Variants in CALN1 observed in about 807,000 individuals in gnomAD.
CALN1 encodes the protein calcium-binding protein 8.
Under a neutral mutation model 30.6 loss-of-function variants are expected in CALN1, and 17 were observed. The ratio of observed to expected loss-of-function variants is 0.56; its 90% CI spans 0.38 to 0.83. The LOEUF (loss-of-function observed/expected upper bound fraction) is 0.83. Among genes scored for constraint, CALN1 ranks in the 40% least tolerant of loss-of-function variants. The pLI is 0.00. For synonymous variants in CALN1, 156 were observed against 131.4 expected, an observed-to-expected ratio of 1.19 and a Z score of -1.28; for missense variants, 291 against 354.9, an observed-to-expected ratio of 0.82 and a Z score of 1.45.
chr7:72,138,755 T>C (rs1347549737), intron 3 of CALN1, among the ~76,000 whole-genome samples: 1 of 152,192 alleles, frequency 6.6e-6, no homozygotes, highest in East Asian at 1.9e-4. Flanking sequence ...AAAGAACCAT[T>C]GGTCGGCCTC....
intron 3 of CALN1, among the ~76,000 whole-genome samples, chr7:72,250,608 C>T (rs1437276984): frequency 2.6e-5 from 4 of 152,048 alleles, no homozygotes; most frequent in African/African-American, 9.7e-5. Context: ...GGTCATGGGG[C>T]GGATCCCTCA....
rs1450794429 is a variant in CALN1 at position 72,134,404 on chromosome 7, A to G, written c.245-28110T>C. 2.0e-5 allele frequency among the ~76,000 whole-genome samples: 3 copies of G among 152,252 alleles called. No homozygotes were observed. In the East Asian group the frequency reaches 5.8e-4, roughly 29 times the overall value. On this transcript the variant is annotated intron_variant, in intron 3 of 6. Transcript: ENST00000395275. ...TCAGATGGGAGAAAACAGAAGAGAC[A>G]TCACAGATGGATGCTAAATTCAGAC...
chr7:71,861,589 A>T (rs1370029077), intron 5 of CALN1, among the ~76,000 whole-genome samples: 2 of 151,458 alleles, frequency 1.3e-5, no homozygotes, highest in Non-Finnish European at 2.9e-5. Context: ...CAACATGGTA[A>T]CATAGTGAGA....
intron 3 of CALN1, among the ~76,000 whole-genome samples, chr7:72,273,105 A>C (rs1032715574): frequency 6.6e-6 from 1 of 151,450 alleles, no homozygotes; most frequent in Non-Finnish European, 1.5e-5. Context: ...GAAACTGGAG[A>C]CGGCATGCAT....
chr7:72,498,356 TA>T, the CALN1 span, among the ~76,000 whole-genome samples: 8 of 147,610 alleles, frequency 5.4e-5, no homozygotes, highest in East Asian at 2.0e-4. Context: ...AAAAATTAGT[TA>T]AAAAAAAAAC....
chr7:72,264,956 C>T (rs1189546682), intron 3 of CALN1, among the ~76,000 whole-genome samples: 1 of 152,082 alleles, frequency 6.6e-6, no homozygotes, highest in Non-Finnish European at 1.5e-5. Flanking sequence ...CCTGTTCTTG[C>T]GTTAGTTTGC....
intron 6 of CALN1, among the ~76,000 whole-genome samples, chr7:71,799,881 T>C (rs1352167167): frequency 2.0e-5 from 3 of 152,206 alleles, no homozygotes; most frequent in African/African-American, 7.2e-5. Flanking sequence ...CCAAATCTCT[T>C]TGAAAACTGT....
intron 6 of CALN1, 96 bp downstream of exon 6, chr7:71,810,240 G>A: frequency 7.3e-7 from 1 of 1,371,026 alleles, no homozygotes; most frequent in East Asian, 2.4e-5. Context: ...GGGAACATCA[G>A]CCCAAGAGCC....
intron 2 of CALN1, among the ~76,000 whole-genome samples, chr7:72,398,311 G>A (rs1476540529): frequency 3.3e-5 from 5 of 152,142 alleles, no homozygotes; most frequent in Non-Finnish European, 7.4e-5. Context: ...GGGTGGGAGG[G>A]AAAACTAGAG....
chr7:72,296,844 G>C (rs1480717858), intron 2 of CALN1, among the ~76,000 whole-genome samples: 2 of 150,792 alleles, frequency 1.3e-5, no homozygotes, highest in East Asian at 1.9e-4. Context: ...AGGGTTTTTT[G>C]TGTCTCTATT....
intron 5 of CALN1, among the ~76,000 whole-genome samples, chr7:71,954,155 C>T (rs1796841856): frequency 6.6e-6 from 1 of 151,986 alleles, no homozygotes; most frequent in Non-Finnish European, 1.5e-5. Flanking sequence ...AAGACATCAT[C>T]TCTATGAGAA....
intron 5 of CALN1, among the ~76,000 whole-genome samples, chr7:71,852,471 T>TAAAAA (rs35252557): frequency 8.4e-6 from 1 of 118,636 alleles, no homozygotes; most frequent in African/African-American, 3.2e-5. Flanking sequence ...ACCCTGTCTC[T>TAAAAA]AAAAAAAAAA....
At chr7:72,366,014 T>C (rs796450987) in intron 2 of CALN1, among the ~76,000 whole-genome samples, 26 of 152,224 alleles carry the variant, frequency 1.7e-4, no homozygotes, top group African/African-American at 6.0e-4. Flanking sequence ...AATCAGTCAA[T>C]TGCATAAAGA....
the CALN1 span, among the ~76,000 whole-genome samples, chr7:72,484,991 G>C: frequency 1.3e-5 from 2 of 152,134 alleles, no homozygotes; most frequent in African/African-American, 4.8e-5. Flanking sequence ...ATACTTTCTT[G>C]AATGGGAGAG....
At chr7:72,461,583 C>T in the CALN1 span, among the ~76,000 whole-genome samples, 2 of 152,192 alleles carry the variant, frequency 1.3e-5, no homozygotes, top group Non-Finnish European at 2.9e-5. Context: ...CATGTTCTCA[C>T]TTATAAGTAG....
chr7:72,305,625 G>A (rs371011347), intron 2 of CALN1, among the ~76,000 whole-genome samples: 2 of 152,236 alleles, frequency 1.3e-5, no homozygotes, highest in Non-Finnish European at 1.5e-5. Flanking sequence ...TTTGATCTAC[G>A]GGAAATAACT....
chr7:72,038,944 C>G (rs769284040), intron 4 of CALN1, among the ~76,000 whole-genome samples: 12 of 152,180 alleles, frequency 7.9e-5, no homozygotes, highest in Admixed American at 2.6e-4. Flanking sequence ...TTCTTTTATT[C>G]CTTTACTTTC....
At chr7:72,487,734 A>AAGG in the CALN1 span, among the ~76,000 whole-genome samples, 2 of 56,572 alleles carry the variant, frequency 3.5e-5, no homozygotes, top group Non-Finnish European at 6.2e-5. Flanking sequence ...AGAAAGAAAG[A>AAGG]AAGGAAGGAA....
In CALN1 at chr7:71,913,442, T is replaced by C. The variant is rs575136264; in HGVS notation, c.502-102950A>G. ...CAGCCGAGGAGATGAACAGTGCTCA[T>C]TGTAGGTACTAACTATAGAATTCAG... On this transcript the variant is annotated intron_variant, in intron 5 of 6. Coordinates refer to ENST00000395275, the MANE Select transcript of CALN1 (RefSeq NM_031468.4). Among the ~76,000 whole-genome samples the C allele has an allele frequency of 9.2e-5, 14 of 152,350 alleles. 1 individual carries two copies. The highest frequency in any genetic ancestry group is 3.4e-4 in the African/African-American group (14 of 41,586).
Sources: gnomAD v4.1 joint callset for allele counts (sites outside exome capture counted in the v4.1 genomes callset) on GRCh38, gnomAD v4.1.1 for gene constraint, MANE v1.5 for transcripts, NCBI Gene and HGNC (gene_info 2026-07-23, HGNC 2026-07-21) for gene names.